BTD: variants seen among roughly 807,000 people sequenced by gnomAD.
BTD encodes biocytinase.
Under a neutral mutation model 17.7 loss-of-function variants are expected in BTD, and 13 were observed. That is an observed-to-expected ratio of 0.74 (90% confidence interval 0.48 to 1.17). BTD has a LOEUF of 1.17. Ranked by LOEUF, BTD falls within the 50% of genes most tolerant of loss-of-function variation. The pLI, the probability that BTD is intolerant of heterozygous loss-of-function variation, is 0.00. For missense variants in BTD, 674 were observed against 650.4 expected, an observed-to-expected ratio of 1.04 and a Z score of -0.39; for synonymous variants, 240 against 245.2, an observed-to-expected ratio of 0.98 and a Z score of 0.20.
chr3:15,609,373 A>G (rs1007997746), intron 1 of BTD, among the ~76,000 whole-genome samples: 15 of 152,128 alleles, frequency 9.9e-5, no homozygotes, highest in African/African-American at 3.1e-4. Flanking sequence ...TTCCCACATT[A>G]TCCATTCTTT....
At chr3:15,695,159 T>C (rs776383751) in intron 3 of BTD, 6 of 1,569,238 alleles carry the variant, frequency 3.8e-6, no homozygotes, top group East Asian at 2.3e-5. Flanking sequence ...CCAATACTAA[T>C]TGGTGGGAGG....
chr3:15,614,967 T>C (rs948554293), intron 1 of BTD, among the ~76,000 whole-genome samples: 1 of 152,216 alleles, frequency 6.6e-6, no homozygotes, highest in Non-Finnish European at 1.5e-5. Flanking sequence ...AGTGTACTTA[T>C]TTGAAAATTT....
At chr3:15,631,538 C>T (rs1261736247) in intron 1 of BTD, 1 of 1,427,334 alleles carries the variant, frequency 7.0e-7, no homozygotes, top group African/African-American at 1.4e-5. Flanking sequence ...TAGTGATTGA[C>T]ATATTACCAA....
rs1364790667 is a variant in BTD at position 15,647,408 on chromosome 3, A to G, written c.*1920A>G. 2 of 152,246 alleles carry G rather than the reference A, an allele frequency of 1.3e-5. No individual in the cohort carries two copies. The highest frequency in any genetic ancestry group is 4.8e-5 in the African/African-American group (2 of 41,460). The allele number at this position is 152,246 out of a possible 1,614,324, so 9.4% of individuals were successfully genotyped here. A position where few individuals can be genotyped will look rare whatever the true frequency, so the allele number is the denominator to read the frequency against. On this transcript the variant is annotated 3_prime_UTR_variant, in exon 4 of 4. Coordinates refer to ENST00000643237, the MANE Select transcript of BTD (RefSeq NM_001370658.1). ...GGCAGAACTACTTCACCCAGTAAACATCTAATCAGCACCTGCAGGATCCTC... is the reference window on the plus strand; with the variant it reads ...GGCAGAACTACTTCACCCAGTAAACGTCTAATCAGCACCTGCAGGATCCTC...
At position 15,645,237 on chromosome 3, in the gene BTD, G is replaced by A; in HGVS notation, c.1321G>A (p.Val441Ile). Reference protein sequence around the residue: ...GTYYIQVCALVRCGGLGFDTC... With the variant: ...GTYYIQVCALIRCGGLGFDTC... The stretch of plus-strand genomic sequence containing the variant: ...TTACTACATCCAAGTGTGTGCCCTG[G>A]TCAGGTGTGGGGGTCTTGGCTTCGA... Residue 441 changes from valine (V) to isoleucine (I), a missense_variant, in exon 4 of 4, where the codon GTC (valine) becomes ATC (isoleucine). Physicochemically the swap from Val to Ile is conservative, Grantham distance 29. Coordinates refer to ENST00000643237, the MANE Select transcript of BTD (RefSeq NM_001370658.1). 6.2e-7 allele frequency: 1 copy of A among 1,614,154 alleles called. No homozygotes were observed. The highest frequency in any genetic ancestry group is 1.1e-5 in the South Asian group (1 of 91,076).
chr3:15,646,349 T>G lies in BTD; in HGVS notation c.*861T>G, dbSNP rs940742564. 28 of 152,218 alleles carry G rather than the reference T, an allele frequency of 1.8e-4. No individual in the cohort carries two copies. The highest frequency in any genetic ancestry group is 6.3e-4 in the African/African-American group (26 of 41,446). The allele number at this position is 152,218 out of a possible 1,614,324, so 9.4% of individuals were successfully genotyped here. A position where few individuals can be genotyped will look rare whatever the true frequency, so the allele number is the denominator to read the frequency against. ...CGTTGCCCGACTGTGCAGGATGGATTGATGCTGGTATAATTTGATCTGGAG... is the reference window on the plus strand; with the variant it reads ...CGTTGCCCGACTGTGCAGGATGGATGGATGCTGGTATAATTTGATCTGGAG... On this transcript the variant is annotated 3_prime_UTR_variant, in exon 4 of 4. Transcript: ENST00000643237.
In BTD at chr3:15,653,287, G is replaced by T. The variant is rs1488307500; in HGVS notation, c.*7799G>T. Among the ~76,000 whole-genome samples, 1 of 152,276 alleles carries T rather than the reference G, an allele frequency of 6.6e-6. No homozygotes were observed. Among genetic ancestry groups the T allele is most frequent in the African/African-American group, 2.4e-5 (1 of 41,470 alleles). ...AAGTGTGAGCCCACTGTCTAATGCGGTGCATACCAAAGCAGGTGCACGGGT... is the reference window on the plus strand; with the variant it reads ...AAGTGTGAGCCCACTGTCTAATGCGTTGCATACCAAAGCAGGTGCACGGGT... On this transcript the variant is annotated 3_prime_UTR_variant, in exon 4 of 4. Coordinates refer to ENST00000643237, the MANE Select transcript of BTD (RefSeq NM_001370658.1).
At chr3:15,700,669 G>A (rs960344048) in intron 3 of BTD, among the ~76,000 whole-genome samples, 1 of 152,128 alleles carries the variant, frequency 6.6e-6, no homozygotes, top group Non-Finnish European at 1.5e-5. Flanking sequence ...AGCTACTCGG[G>A]AGGCTGAGGC....
chr3:15,604,529 T>C (rs935234764), intron 1 of BTD, among the ~76,000 whole-genome samples: 13 of 152,348 alleles, frequency 8.5e-5, no homozygotes, highest in African/African-American at 3.1e-4. Context: ...GGAGACATTT[T>C]CCCCATTGTC....
In BTD at chr3:15,615,902, T is replaced by C. The variant is rs1311025177; in HGVS notation, c.-17+14008T>C. Among the ~76,000 whole-genome samples the C allele has an allele frequency of 3.3e-5, 5 of 152,264 alleles. No individual in the cohort carries two copies. The East Asian group carries it at 9.6e-4, about 29-fold the overall frequency. On this transcript the variant is annotated intron_variant, in intron 1 of 3. Coordinates refer to ENST00000643237, the MANE Select transcript of BTD (RefSeq NM_001370658.1). The stretch of plus-strand genomic sequence containing the variant: ...TGTTACATATTGGAATCATACAGTA[T>C]GTAGCCTTTACAGATTGGTTTCTTT...
rs946980931 is a variant in BTD, at chr3:15,693,656, T to C, written c.400-16404T>C. Among the ~76,000 whole-genome samples, 5 of 152,264 alleles carry C rather than the reference T, an allele frequency of 3.3e-5. No individual in the cohort carries two copies. In the South Asian group the frequency reaches 1.0e-3, roughly 32 times the overall value. ...GCTGCTCAGTCTTCATTTCTTTTCA[T>C]CAATAGTAAAATGGCTATTTCTTCC... On this transcript the variant is annotated intron_variant, in intron 3 of 3. Coordinates refer to the BTD transcript ENST00000672141.
downstream of BTD, chr3:15,713,689 G>T: frequency 8.1e-7 from 1 of 1,238,640 alleles, no homozygotes; most frequent in Non-Finnish European, 1.1e-6. Flanking sequence ...TAAAGATCAG[G>T]TCAAACGTAC....
chr3:15,693,630 T>C (rs1053055501), intron 3 of BTD, among the ~76,000 whole-genome samples: 11 of 152,178 alleles, frequency 7.2e-5, no homozygotes, highest in African/African-American at 1.2e-4. Context: ...CTGCTGCTAA[T>C]GCTGCTCAGT....
At chr3:15,708,759 T>C (rs1289890089) in intron 3 of BTD, among the ~76,000 whole-genome samples, 1 of 152,198 alleles carries the variant, frequency 6.6e-6, no homozygotes, top group African/African-American at 2.4e-5. Context: ...AAAGTAATTA[T>C]GGTGTCAAAT....
chr3:15,622,681 C>A (rs183117173), intron 1 of BTD, among the ~76,000 whole-genome samples: 22 of 152,322 alleles, frequency 1.4e-4, no homozygotes, highest in Middle Eastern at 6.8e-3. Context: ...GTGGATACAT[C>A]TGTTTCTCTT....
chr3:15,667,764 G>A (rs1303398157), intron 3 of BTD: 2 of 152,172 alleles, frequency 1.3e-5, no homozygotes, highest in African/African-American at 2.4e-5. Flanking sequence ...TTTCTTAGTG[G>A]GGTGGCATTC....
chr3:15,693,516 A>G lies in BTD; in HGVS notation c.400-16544A>G, dbSNP rs564463192. Among the ~76,000 whole-genome samples, 5 of 152,316 alleles carry G rather than the reference A, an allele frequency of 3.3e-5. No homozygotes were observed. In the South Asian group the frequency reaches 6.2e-4, roughly 19 times the overall value. On this transcript the variant is annotated intron_variant, in intron 3 of 3. Coordinates refer to the BTD transcript ENST00000672141. ...ACTGCAGGGCTTTTGGGAGTCTTTA[A>G]TATGCTACTAGTTGAATCTCCACAA...
At chr3:15,634,966 G>A (rs970313676) in intron 1 of BTD, among the ~76,000 whole-genome samples, 2 of 152,204 alleles carry the variant, frequency 1.3e-5, no homozygotes, top group Non-Finnish European at 2.9e-5. Flanking sequence ...AAGCCAAGCT[G>A]TGTTATTAGG....
chr3:15,619,210 C>T (rs894502334), intron 1 of BTD, among the ~76,000 whole-genome samples: 6 of 152,168 alleles, frequency 3.9e-5, no homozygotes, highest in Admixed American at 6.5e-5. Flanking sequence ...AGCAAGTTCC[C>T]CTCTATTCGT....
Sources: allele counts gnomAD v4.1 joint callset (sites outside exome capture counted in the v4.1 genomes callset), GRCh38; gene constraint gnomAD v4.1.1; transcripts MANE v1.5; gene names NCBI Gene and HGNC (gene_info 2026-07-23, HGNC 2026-07-21).